The following XYLT1 variants were observed in gnomAD, a reference collection of about 807,000 sequenced individuals.
XYLT1 encodes xylosyltransferase 1.
XYLT1 carries 36 observed loss-of-function variants against 91.3 expected under a neutral mutation model. The observed-to-expected ratio is 0.39, with a 90% confidence interval of 0.30 to 0.52. XYLT1 has a LOEUF of 0.52. XYLT1 is among the 20% of genes least tolerant of loss of function. XYLT1 has a pLI of 0.68. For synonymous variants in XYLT1, 588 were observed against 532.0 expected (o/e 1.11, Z -1.45); for missense variants, 1,242 against 1,284.5 (o/e 0.97, Z 0.51).
At chr16:17,349,664 C>T (rs548426572) in intron 2 of XYLT1, among the ~76,000 whole-genome samples, 3 of 150,834 alleles carry the variant, frequency 2.0e-5, no homozygotes, top group Non-Finnish European at 2.9e-5. Context: ...ATCTGTAAAA[C>T]GGGGATGACA....
chr16:17,313,438 C>G (rs895139815), intron 2 of XYLT1, among the ~76,000 whole-genome samples: 25 of 152,292 alleles, frequency 1.6e-4, no homozygotes, highest in Admixed American at 1.4e-3. Context: ...GCCCCCCTTT[C>G]CTGCTGACTT....
chr16:17,124,915 TGTAA>T, intron 10 of XYLT1, among the ~76,000 whole-genome samples: 1 of 152,378 alleles, frequency 6.6e-6, no homozygotes, highest in African/African-American at 2.4e-5. Flanking sequence ...TTTGCAATTT[TGTAA>T]GTGTGTCCTT....
At chr16:17,373,043 A>T (rs1024020347) in intron 1 of XYLT1, among the ~76,000 whole-genome samples, 2 of 152,164 alleles carry the variant, frequency 1.3e-5, no homozygotes, top group African/African-American at 4.8e-5. Context: ...AATCATAGCT[A>T]TATTTATTGT....
rs151185346 is a variant in XYLT1, at chr16:17,226,457, T to C, written c.914-25803A>G. ...AGGAGCATCTCTGGACTCGATCCAC[T>C]AAATGCCAGGAGCATCCTTTCTTTA... On this transcript the variant is annotated intron_variant, in intron 3 of 11. Coordinates refer to ENST00000261381, the MANE Select transcript of XYLT1 (RefSeq NM_022166.4). 7.9e-5 allele frequency among the ~76,000 whole-genome samples: 12 copies of C among 152,328 alleles called. No homozygotes were observed. The East Asian group carries it at 2.3e-3, about 29-fold the overall frequency.
intron 5 of XYLT1, among the ~76,000 whole-genome samples, chr16:17,179,872 A>G (rs1050041666): frequency 2.0e-5 from 3 of 152,238 alleles, no homozygotes; most frequent in Non-Finnish European, 4.4e-5. Context: ...GACATTTTCA[A>G]AGACTCGCCT....
chr16:17,275,359 G>A (rs949637975), intron 2 of XYLT1, among the ~76,000 whole-genome samples: 2 of 152,132 alleles, frequency 1.3e-5, no homozygotes. Context: ...TAACAACTAC[G>A]CTTGGCTCAG....
intron 5 of XYLT1, among the ~76,000 whole-genome samples, chr16:17,175,386 C>G (rs891300479): frequency 6.6e-6 from 1 of 152,174 alleles, no homozygotes; most frequent in Non-Finnish European, 1.5e-5. Context: ...CATATCGGCT[C>G]AGTTTGCCTT....
At chr16:17,306,953 C>G (rs1414782686) in intron 2 of XYLT1, among the ~76,000 whole-genome samples, 1 of 152,196 alleles carries the variant, frequency 6.6e-6, no homozygotes, top group Non-Finnish European at 1.5e-5. Context: ...GAGCTGAAGC[C>G]TGAACTTGGG....
chr16:17,285,198 T>A (rs2034116852), intron 2 of XYLT1, among the ~76,000 whole-genome samples: 1 of 152,074 alleles, frequency 6.6e-6, no homozygotes, highest in South Asian at 2.1e-4. Context: ...AATGCACAAG[T>A]GATGGGAATT....
chr16:17,239,972 G>A (rs1376766823), intron 3 of XYLT1, among the ~76,000 whole-genome samples: 1 of 152,142 alleles, frequency 6.6e-6, no homozygotes, highest in Non-Finnish European at 1.5e-5. Flanking sequence ...AGTACCAGGT[G>A]GTGTAAGTAG....
intron 1 of XYLT1, among the ~76,000 whole-genome samples, chr16:17,367,584 G>A (rs1226047203): frequency 6.6e-6 from 1 of 152,176 alleles, no homozygotes; most frequent in East Asian, 1.9e-4. Context: ...GGGACTGCTG[G>A]GTGAGATCTC....
Position 17,108,875 on chromosome 16 carries a change from TG to T in XYLT1, c.2699del (p.Thr900LysfsTer84), listed in dbSNP as rs1361818658. 1 of 1,611,222 alleles carries T rather than the reference TG, an allele frequency of 6.2e-7. No individual in the cohort carries two copies. On this transcript the variant is annotated frameshift_variant, in exon 12 of 12. Coordinates refer to ENST00000261381, the MANE Select transcript of XYLT1 (RefSeq NM_022166.4). LOFTEE classifies it high-confidence loss of function. The part of the protein sequence containing the change: ...QARRNAASTG[T>X]ALEGWLDSLV... ...ACGAGTCCAGCCATCCCTCCAGCGC[TG>T]TGCCCGTGGAGGCTGCGTTCCTCCG...
At chr16:17,314,550 T>C (rs565552236) in intron 2 of XYLT1, among the ~76,000 whole-genome samples, 1 of 152,300 alleles carries the variant, frequency 6.6e-6, no homozygotes, top group South Asian at 2.1e-4. Context: ...AGAGAACGCA[T>C]ACTGGGTGAA....
chr16:17,386,966 G>A (rs1026274523), intron 1 of XYLT1, among the ~76,000 whole-genome samples: 3 of 152,148 alleles, frequency 2.0e-5, no homozygotes, highest in African/African-American at 4.8e-5. Flanking sequence ...GATTATAAAA[G>A]GTAAGATCCT....
chr16:17,357,975 G>A (rs772943962), intron 2 of XYLT1, 37 bp downstream of exon 2: 4 of 1,609,882 alleles, frequency 2.5e-6, no homozygotes, highest in African/African-American at 1.3e-5. Flanking sequence ...GGAATACTAA[G>A]GCTGAGATAA....
chr16:17,375,618 A>T (rs545311873), intron 1 of XYLT1, among the ~76,000 whole-genome samples: 1 of 152,298 alleles, frequency 6.6e-6, no homozygotes, highest in East Asian at 1.9e-4. Context: ...GAATTACAGA[A>T]AGGGAAATAC....
At chr16:17,193,164 C>T (rs2032356993) in intron 5 of XYLT1, 1 of 152,112 alleles carries the variant, frequency 6.6e-6, no homozygotes, top group South Asian at 2.1e-4. Flanking sequence ...CTTTGCTACT[C>T]TTTTAACTCT....
In XYLT1 at chr16:17,104,165, G is replaced by A. The variant is rs1335489429; in HGVS notation, c.*4530C>T. ...CACAGCTCTATGTGGTTTCCAAAGA[G>A]GCTTCCAGGGATGGGACAAGATGGC... On this transcript the variant is annotated 3_prime_UTR_variant, in exon 12 of 12. Transcript: ENST00000261381. 3 of 152,728 alleles carry A rather than the reference G, an allele frequency of 2.0e-5. No homozygotes were observed. Among genetic ancestry groups the A allele is most frequent in the Non-Finnish European group, 4.4e-5 (3 of 68,128 alleles). The allele number at this position is 152,728 out of a possible 1,614,324, so 9.5% of individuals were successfully genotyped here. A position where few individuals can be genotyped will look rare whatever the true frequency, so the allele number is the denominator to read the frequency against.
chr16:17,173,173 AG>A (rs1327349019), intron 5 of XYLT1, among the ~76,000 whole-genome samples: 1 of 152,252 alleles, frequency 6.6e-6, no homozygotes, highest in African/African-American at 2.4e-5. Context: ...CAGGTCTCTG[AG>A]TATTTAAATG....
Sources: gnomAD v4.1 joint callset for allele counts (sites outside exome capture counted in the v4.1 genomes callset) on GRCh38, gnomAD v4.1.1 for gene constraint, MANE v1.5 for transcripts, NCBI Gene and HGNC (gene_info 2026-07-23, HGNC 2026-07-21) for gene names.